Variants in PREX1 observed in about 807,000 individuals in gnomAD.
PREX1 encodes phosphatidylinositol-3,4,5-trisphosphate dependent Rac exchange factor 1, also known as phosphatidylinositol 3,4,5-trisphosphate-dependent Rac exchanger 1 protein.
PREX1 carries 41 observed loss-of-function variants against 198.3 expected under a neutral mutation model. The ratio of observed to expected loss-of-function variants is 0.21; its 90% confidence interval spans 0.16 to 0.27. The LOEUF is 0.27. PREX1 is among the 10% of genes least tolerant of loss of function. The pLI is 1.00. For missense variants in PREX1, 1,620 were observed against 2,200.7 expected (o/e 0.74, Z 5.28); for synonymous variants, 843 against 887.2 (o/e 0.95, Z 0.89).
At chr20:48,808,527 G>C (rs1268401060) in intron 1 of PREX1, among the ~76,000 whole-genome samples, 2 of 152,126 alleles carry the variant, frequency 1.3e-5, no homozygotes, top group Non-Finnish European at 2.9e-5. Flanking sequence ...CTCCTCCTCA[G>C]CCTCCACCCC....
Position 48,625,779 on chromosome 20 carries a change from G to A in PREX1, c.*106C>T, listed in dbSNP as rs969686462. 1.8e-5 allele frequency: 24 copies of A among 1,304,772 alleles called. No homozygotes were observed. Among genetic ancestry groups the A allele is most frequent in the African/African-American group, 3.1e-5 (2 of 64,072 alleles). 80.8% of individuals were successfully genotyped at this position (1,304,772 alleles called of 1,614,324 possible). ...ACGCTGGGCAGGTCCCGGAACGGGC[G>A]GCTGCGGAAGCCTTGGGCCATCCCT... On this transcript the variant is annotated 3_prime_UTR_variant, in exon 40 of 40. Coordinates refer to ENST00000371941, the MANE Select transcript of PREX1 (RefSeq NM_020820.4).
In PREX1 at chr20:48,653,497, C is replaced by A. The variant is rs2089517589; in HGVS notation, c.2210G>T (p.Gly737Val). ...APPYVYAVGRGSEAMAAGLCA... is the reference protein window; with the variant it reads ...APPYVYAVGRVSEAMAAGLCA... ...GAGCCCTGCAGCCATGGCCTCAGAG[C>A]CTAAGGGGAACAGGAGCACATGAGG... The change falls in exon 20 of 40, where the codon GGC (glycine) becomes GTC (valine). Residue 737 changes from glycine to valine, a missense_variant and splice_region_variant. Around this residue, in one of 7 missense-constraint regions of PREX1, gnomAD observed 514 missense variants for 611.6 expected, o/e 0.84. Coordinates refer to ENST00000371941, the MANE Select transcript of PREX1 (RefSeq NM_020820.4). 5 of 1,608,142 alleles carry A rather than the reference C, an allele frequency of 3.1e-6. No homozygotes were observed. The highest frequency in any genetic ancestry group is 3.4e-6 in the Non-Finnish European group (4 of 1,176,370).
chr20:48,649,856 T>C (rs2089479187), intron 24 of PREX1, 140 bp downstream of exon 24: 5 of 1,041,796 alleles, frequency 4.8e-6, no homozygotes, highest in East Asian at 2.6e-5. Flanking sequence ...AGAGATGCTG[T>C]CCCATAAAGA....
At chr20:48,799,180 C>T (rs1465112630) in intron 1 of PREX1, among the ~76,000 whole-genome samples, 2 of 152,206 alleles carry the variant, frequency 1.3e-5, no homozygotes, top group African/African-American at 4.8e-5. Flanking sequence ...CCCCACCTGG[C>T]CCTGAATAAA....
chr20:48,633,025 G>T (rs1009496073), intron 33 of PREX1, among the ~76,000 whole-genome samples: 2 of 152,196 alleles, frequency 1.3e-5, no homozygotes, highest in African/African-American at 2.4e-5. Flanking sequence ...CATGGCCCCT[G>T]CCTGGGAAAA....
chr20:48,751,633 T>C (rs2090134751), intron 1 of PREX1, among the ~76,000 whole-genome samples: 1 of 152,210 alleles, frequency 6.6e-6, no homozygotes, highest in African/African-American at 2.4e-5. Flanking sequence ...AGGGCGACTC[T>C]TCCTTTGTCC....
chr20:48,660,171 T>G, intron 15 of PREX1, 110 bp from the exon 16 acceptor site: 1 of 1,301,412 alleles, frequency 7.7e-7, no homozygotes, highest in Non-Finnish European at 1.1e-6. Flanking sequence ...ACGTTTGGTT[T>G]GGCAAACACT....
At chr20:48,773,716 C>T (rs993937563) in intron 1 of PREX1, among the ~76,000 whole-genome samples, 13 of 152,162 alleles carry the variant, frequency 8.5e-5, no homozygotes, top group African/African-American at 2.9e-4. Flanking sequence ...AGAGACTTAA[C>T]CAGGAGCCAG....
At chr20:48,771,914 C>T in intron 1 of PREX1, among the ~76,000 whole-genome samples, 1 of 152,194 alleles carries the variant, frequency 6.6e-6, no homozygotes, top group East Asian at 1.9e-4. Flanking sequence ...TGTGTCTAGG[C>T]TGGGCGCGGT....
chr20:48,754,129 T>C (rs117434105), intron 1 of PREX1, among the ~76,000 whole-genome samples: 1,805 of 152,252 alleles, frequency 0.012, 19 homozygotes, highest in Middle Eastern at 0.082. Flanking sequence ...TAAGCTGATA[T>C]CGAGCTGGGA....
intron 13 of PREX1, among the ~76,000 whole-genome samples, chr20:48,677,919 G>C (rs2089720595): frequency 1.3e-5 from 2 of 152,092 alleles, no homozygotes; most frequent in African/African-American, 4.8e-5. Context: ...CCAGGAGGCA[G>C]AGGTTGCAGT....
At chr20:48,731,486 C>T (rs1184838635) in intron 4 of PREX1, among the ~76,000 whole-genome samples, 3 of 152,192 alleles carry the variant, frequency 2.0e-5, no homozygotes, top group African/African-American at 2.4e-5. Flanking sequence ...TGATCCCTAC[C>T]GCATTATAGG....
Position 48,632,264 on chromosome 20 carries a change from C to T in PREX1, c.4526+13G>A. 1 of 1,613,392 alleles carries T rather than the reference C, an allele frequency of 6.2e-7. No homozygotes were observed. Among genetic ancestry groups the T allele is most frequent in the South Asian group, 1.1e-5 (1 of 91,060 alleles). ...CCTGACTCCTGCCCCCAACGGGGAC[C>T]CCAGGCGGATACCTGAGTTTGCGGT... is the stretch of plus-strand genomic sequence containing the variant. On this transcript the variant is annotated intron_variant, in intron 35 of 39. Coordinates refer to ENST00000371941, the MANE Select transcript of PREX1 (RefSeq NM_020820.4).
chr20:48,674,167 C>A (rs2122995218), intron 14 of PREX1, among the ~76,000 whole-genome samples: 1 of 152,312 alleles, frequency 6.6e-6, no homozygotes, highest in East Asian at 1.9e-4. Context: ...TATTTCAAGA[C>A]CTCCCAGGAC....
At chr20:48,805,212 T>C (rs1198850577) in intron 1 of PREX1, among the ~76,000 whole-genome samples, 3 of 152,188 alleles carry the variant, frequency 2.0e-5, no homozygotes, top group Non-Finnish European at 4.4e-5. Context: ...CAGCTTGCTA[T>C]GGACAATGGA....
At chr20:48,689,059 G>A (rs542280936) in intron 9 of PREX1, among the ~76,000 whole-genome samples, 1 of 152,370 alleles carries the variant, frequency 6.6e-6, no homozygotes, top group East Asian at 1.9e-4. Context: ...GTCCTGGGAT[G>A]ACAGGGGGTC....
At chr20:48,657,327 G>A in intron 17 of PREX1, 139 bp from the exon 18 acceptor site, 1 of 1,056,722 alleles carries the variant, frequency 9.5e-7, no homozygotes, top group Non-Finnish European at 1.4e-6. Flanking sequence ...CGTGCTGTCT[G>A]TGGTAAGCAG....
the PREX1 span, among the ~76,000 whole-genome samples, chr20:48,848,369 C>T: frequency 6.6e-6 from 1 of 151,954 alleles, no homozygotes; most frequent in Admixed American, 6.6e-5. Context: ...ATCCTCCCAC[C>T]TCAGCCTCCC....
the PREX1 span, among the ~76,000 whole-genome samples, chr20:48,854,265 G>A: frequency 6.6e-6 from 1 of 152,186 alleles, no homozygotes; most frequent in Admixed American, 6.5e-5. Flanking sequence ...GGAGATCTAA[G>A]CCTGACTCTA....
Sources: gnomAD v4.1 joint callset for allele counts (sites outside exome capture counted in the v4.1 genomes callset) on GRCh38, gnomAD v4.1.1 for gene constraint, gnomAD v4.1.1 regional missense constraint, MANE v1.5 for transcripts, NCBI Gene and HGNC (gene_info 2026-07-23, HGNC 2026-07-21) for gene names.